MINK1: variants seen among roughly 807,000 people sequenced by gnomAD.
MINK1 encodes the protein misshapen-like kinase 1.
A neutral mutation model predicts 178.4 loss-of-function variants in MINK1; 46 were observed. The observed-to-expected ratio is 0.26, with a 90% CI of 0.20 to 0.33. The LOEUF (loss-of-function observed/expected upper bound fraction) is 0.33. Ranked by LOEUF, MINK1 falls within the 10% of genes least tolerant of loss-of-function variation. MINK1 has a pLI of 1.00. For synonymous variants in MINK1, 797 were observed against 709.7 expected (o/e 1.12, Z -1.96); for missense variants, 1,366 against 1,814.9 (o/e 0.75, Z 4.49).
intron 1 of MINK1, among the ~76,000 whole-genome samples, chr17:4,838,459 G>C (rs1909631075): frequency 6.6e-6 from 1 of 152,162 alleles, no homozygotes; most frequent in African/African-American, 2.4e-5. Context: ...ACTCTGCTGG[G>C]TAGAATCCTG....
At chr17:4,889,573 C>T (rs989674128) in intron 12 of MINK1, 74 bp from the exon 13 acceptor site, 65 of 1,295,268 alleles carry the variant, frequency 5.0e-5, no homozygotes, top group Non-Finnish European at 6.4e-5. Context: ...GAGGGCTCCC[C>T]TCCCTGTCCA....
intron 1 of MINK1, among the ~76,000 whole-genome samples, chr17:4,860,327 G>A (rs769677567): frequency 2.6e-5 from 4 of 152,184 alleles, no homozygotes; most frequent in Non-Finnish European, 4.4e-5. Context: ...CTGATTGTGA[G>A]GGACTGACGG....
intron 1 of MINK1, among the ~76,000 whole-genome samples, chr17:4,852,207 G>C (rs79573319): frequency 0.012 from 1,799 of 152,154 alleles, 19 homozygotes; most frequent in Middle Eastern, 0.02. Context: ...AGAAACTGCT[G>C]CATTAAGGAA....
At chr17:4,893,162 A>C in intron 20 of MINK1, 95 bp downstream of exon 20, 1 of 1,510,330 alleles carries the variant, frequency 6.6e-7, no homozygotes, top group East Asian at 2.4e-5. Context: ...CCGCTGATCT[A>C]CCGAGAAGGG....
At chr17:4,884,218 T>C in intron 4 of MINK1, 145 bp from the exon 5 acceptor site, 1 of 634,482 alleles carries the variant, frequency 1.6e-6, no homozygotes, top group South Asian at 1.9e-5. Flanking sequence ...TTGTGAGGCT[T>C]CTGTGGCCCT....
Position 4,886,528 on chromosome 17 carries a change from T to A in MINK1, c.851T>A (p.Leu284Gln). 1 of 1,613,780 alleles carries A rather than the reference T, an allele frequency of 6.2e-7. No individual in the cohort carries two copies. The highest frequency in any genetic ancestry group is 2.2e-5 in the East Asian group (1 of 44,882). The change falls in exon 10 of 32, where the codon CTG becomes CAG. Residue 284 changes from leucine to glutamine, a missense_variant. Leu to Gln is a moderately radical substitution (Grantham distance 113, BLOSUM62 -2). Around this residue, in one of 14 missense-constraint regions of MINK1, gnomAD observed 109 missense variants for 369.4 expected, o/e 0.30. Transcript: ENST00000355280. The surrounding 1 kb of genome is among the most constrained non-coding windows in gnomAD (Gnocchi z 6.1). The part of the protein sequence containing the change: ...YLSRPPTEQL[L>Q]KFPFIRDQPT... ...AGCCGCCCACCCACGGAGCAGCTAC[T>A]GAAGTTTCCCTTCATCCGGGACCAG...
At chr17:4,844,532 G>T (rs574798091) in intron 1 of MINK1, 4 of 499,872 alleles carry the variant, frequency 8.0e-6, no homozygotes, top group Non-Finnish European at 1.2e-5. Flanking sequence ...CCTTTTATTC[G>T]TATACCTGGG....
In MINK1 at chr17:4,886,021, T is replaced by C. The variant is rs1968162552; in HGVS notation, c.694+56T>C. 1.9e-6 allele frequency: 3 copies of C among 1,607,970 alleles called. No homozygotes were observed. Among genetic ancestry groups the C allele is most frequent in the Non-Finnish European group, 2.6e-6 (3 of 1,175,414 alleles). On this transcript the variant is annotated intron_variant, in intron 8 of 31. Transcript: ENST00000355280. The surrounding 1 kb of genome is among the most constrained non-coding windows in gnomAD (Gnocchi z 6.1). ...GGAGGGAAAGGAAGGGCCCAGAGAG[T>C]GGCTGTAGGGAGGAGGTGGGTCCTG...
At chr17:4,897,021 G>T in intron 31 of MINK1, 183 bp from the exon 32 acceptor site, 1 of 880,146 alleles carries the variant, frequency 1.1e-6, no homozygotes, top group South Asian at 1.7e-5. Context: ...GGCGAGTGGT[G>T]CACCCTCTCC....
intron 1 of MINK1, among the ~76,000 whole-genome samples, chr17:4,835,630 CA>C (rs1238827640): frequency 6.6e-6 from 1 of 151,324 alleles, no homozygotes; most frequent in Non-Finnish European, 1.5e-5. Context: ...TTGTCTTAAA[CA>C]AAACAAAACA....
intron 1 of MINK1, chr17:4,844,654 A>G: frequency 2.3e-6 from 1 of 435,248 alleles, no homozygotes; most frequent in Non-Finnish European, 4.5e-6. Context: ...CGTACCCAGA[A>G]CTAATAGAGA....
At chr17:4,888,147 C>T (rs1170500057) in intron 12 of MINK1, among the ~76,000 whole-genome samples, 1 of 151,704 alleles carries the variant, frequency 6.6e-6, no homozygotes, top group Non-Finnish European at 1.5e-5. Context: ...ACCCGGGAGG[C>T]GGAGGTTGCA....
chr17:4,872,047 C>T (rs1279002154), intron 1 of MINK1, among the ~76,000 whole-genome samples: 1 of 152,096 alleles, frequency 6.6e-6, no homozygotes, highest in East Asian at 1.9e-4. Context: ...AAAGGATGGA[C>T]AGGCTGGGTA....
Position 4,895,104 on chromosome 17 carries a change from G to C in MINK1, c.2947G>C (p.Asp983His). ...ALVGGEGTRLDQLQYDVRKGS... is the reference protein window; with the variant it reads ...ALVGGEGTRLHQLQYDVRKGS... The stretch of plus-strand genomic sequence containing the variant: ...AGTGGGTGGAGAGGGCACTCGGCTC[G>C]ACCAGCTGCAGTACGACGTGAGGAA... The change falls in exon 25 of 32, where the codon GAC becomes CAC. Residue 983 changes from aspartate to histidine, a missense_variant. Asp to His is a moderately conservative substitution (Grantham distance 81, BLOSUM62 -1). This residue lies in a region of MINK1 where 709 missense variants were observed against 692.3 expected (regional missense o/e 1.02). Transcript: ENST00000355280. The surrounding 1 kb of genome is among the most constrained non-coding windows in gnomAD (Gnocchi z 4.3). 1.2e-6 allele frequency: 2 copies of C among 1,613,556 alleles called. No homozygotes were observed. The highest frequency in any genetic ancestry group is 1.1e-5 in the South Asian group (1 of 91,068).
chr17:4,864,859 G>A (rs1286150502), intron 1 of MINK1, among the ~76,000 whole-genome samples: 2 of 152,308 alleles, frequency 1.3e-5, no homozygotes, highest in African/African-American at 4.8e-5. Flanking sequence ...TTAGAGGAGG[G>A]TACTGGAAAG....
At chr17:4,862,515 C>T (rs538869090) in intron 1 of MINK1, among the ~76,000 whole-genome samples, 4 of 152,166 alleles carry the variant, frequency 2.6e-5, no homozygotes, top group South Asian at 4.2e-4. Flanking sequence ...ACTAGCCTGG[C>T]GTGGTGGCGG....
intron 1 of MINK1, among the ~76,000 whole-genome samples, chr17:4,838,266 G>A (rs1334549370): frequency 1.3e-4 from 20 of 152,212 alleles, no homozygotes; most frequent in Admixed American, 1.3e-3. Context: ...GAAACTAGGT[G>A]ATCAGTCATT....
chr17:4,861,186 A>G (rs1448095027), intron 1 of MINK1, among the ~76,000 whole-genome samples: 4 of 152,302 alleles, frequency 2.6e-5, no homozygotes, highest in African/African-American at 9.6e-5. Context: ...CTCCCTAGTG[A>G]GGCGAGTGCA....
intron 4 of MINK1, among the ~76,000 whole-genome samples, chr17:4,883,500 G>A (rs1362523193): frequency 2.0e-5 from 3 of 150,398 alleles, no homozygotes; most frequent in South Asian, 2.1e-4. Context: ...CACTGAGCCC[G>A]GCCCAAAGCA....
Sources: gnomAD v4.1 joint callset for allele counts (sites outside exome capture counted in the v4.1 genomes callset) on GRCh38, gnomAD v4.1.1 for gene constraint, gnomAD v4.1.1 regional missense constraint, Gnocchi (gnomAD v3.1) non-coding constraint, MANE v1.5 for transcripts, NCBI Gene and HGNC (gene_info 2026-07-23, HGNC 2026-07-21) for gene names.